KIAA1958: variants seen among roughly 807,000 people sequenced by gnomAD.
KIAA1958 encodes KIAA1958, also known as uncharacterized protein KIAA1958.
A neutral mutation model predicts 47.2 loss-of-function variants in KIAA1958; 14 were observed. The ratio of observed to expected loss-of-function variants is 0.30; its 90% CI spans 0.20 to 0.46. KIAA1958 has a LOEUF of 0.46. Among genes scored for constraint, KIAA1958 ranks in the 20% least tolerant of loss-of-function variants. The probability of loss-of-function intolerance (pLI) is 1.00; values close to 1 mark genes in which losing one functional copy is unlikely to be tolerated. For synonymous variants in KIAA1958, 354 were observed against 353.3 expected (o/e 1.00, Z -0.02); for missense variants, 803 against 909.2 (o/e 0.88, Z 1.50).
chr9:112,529,422 C>A (rs1244044333), intron 1 of KIAA1958, among the ~76,000 whole-genome samples: 1 of 152,146 alleles, frequency 6.6e-6, no homozygotes, highest in Non-Finnish European at 1.5e-5. Context: ...GTCCAGGACC[C>A]CATCCACAAT....
intron 2 of KIAA1958, among the ~76,000 whole-genome samples, chr9:112,591,823 G>C (rs184129208): frequency 6.6e-6 from 1 of 152,262 alleles, no homozygotes; most frequent in Admixed American, 6.5e-5. Context: ...TAAAGTTACG[G>C]TGCCACAAAA....
At chr9:112,589,291 G>C (rs998140802) in intron 2 of KIAA1958, among the ~76,000 whole-genome samples, 5 of 152,198 alleles carry the variant, frequency 3.3e-5, no homozygotes, top group Middle Eastern at 3.4e-3. Context: ...CTACTTGTTT[G>C]TTCATATTTA....
At chr9:112,614,706 C>T (rs1237733570) in intron 2 of KIAA1958, among the ~76,000 whole-genome samples, 1 of 152,030 alleles carries the variant, frequency 6.6e-6, no homozygotes, top group African/African-American at 2.4e-5. Context: ...TTTTATTTTC[C>T]TGCAGATGGA....
chr9:112,551,340 G>C (rs1835146324), intron 1 of KIAA1958, among the ~76,000 whole-genome samples: 1 of 152,034 alleles, frequency 6.6e-6, no homozygotes, highest in South Asian at 2.1e-4. Flanking sequence ...GCTGCCCCAG[G>C]CACCTCATAT....
At chr9:112,653,273 C>A (rs1479703855) in intron 3 of KIAA1958, among the ~76,000 whole-genome samples, 1 of 152,048 alleles carries the variant, frequency 6.6e-6, no homozygotes, top group Non-Finnish European at 1.5e-5. Flanking sequence ...CTAGTTATGG[C>A]AAGAAGTTCG....
In KIAA1958 at chr9:112,635,111, TG is replaced by T. The variant is rs552804596; in HGVS notation, c.1172-10538del. Among the ~76,000 whole-genome samples, 167 of 152,294 alleles carry T rather than the reference TG, an allele frequency of 1.1e-3. 1 individual carries two copies. Among genetic ancestry groups the T allele is most frequent in the Non-Finnish European group, 2.2e-3 (148 of 68,030 alleles). On this transcript the variant is annotated intron_variant, in intron 2 of 3. Coordinates refer to ENST00000337530, the MANE Select transcript of KIAA1958 (RefSeq NM_133465.4). Reference sequence around the variant, plus strand: ...AAGTTATGCAGTCCTATAAAAGAAGTGAGTGTTCCCTCTTTTTCTGTTCACT... The same window carrying T: ...AAGTTATGCAGTCCTATAAAAGAAGTAGTGTTCCCTCTTTTTCTGTTCACT...
At chr9:112,589,224 T>C (rs59559325) in intron 2 of KIAA1958, among the ~76,000 whole-genome samples, 5,604 of 152,294 alleles carry the variant, frequency 0.037, 341 homozygotes, top group African/African-American at 0.13. Flanking sequence ...TCCTTTGGTT[T>C]TTCTGTTCCT....
intron 1 of KIAA1958, among the ~76,000 whole-genome samples, chr9:112,565,090 A>G (rs1835404571): frequency 6.6e-6 from 1 of 152,232 alleles, no homozygotes; most frequent in Admixed American, 6.5e-5. Flanking sequence ...CTAATGATTA[A>G]TTTTGAGTTT....
At chr9:112,522,464 C>G (rs1269527906) in intron 1 of KIAA1958, among the ~76,000 whole-genome samples, 2 of 152,166 alleles carry the variant, frequency 1.3e-5, no homozygotes, top group Admixed American at 1.3e-4. Context: ...TTCCTTTCAC[C>G]TGAGTCACAT....
At chr9:112,601,485 A>G (rs1443139802) in intron 2 of KIAA1958, among the ~76,000 whole-genome samples, 1 of 152,132 alleles carries the variant, frequency 6.6e-6, no homozygotes, top group Non-Finnish European at 1.5e-5. Context: ...GACCACACTG[A>G]TATTAGACCT....
intron 1 of KIAA1958, among the ~76,000 whole-genome samples, chr9:112,525,385 T>C (rs1186843121): frequency 6.6e-6 from 1 of 152,232 alleles, no homozygotes; most frequent in African/African-American, 2.4e-5. Flanking sequence ...TAGAAATACA[T>C]TCTCTCCTGG....
chr9:112,493,096 G>C (rs1833998265), intron 1 of KIAA1958, among the ~76,000 whole-genome samples: 1 of 151,894 alleles, frequency 6.6e-6, no homozygotes, highest in African/African-American at 2.4e-5. Context: ...ATATTATTGT[G>C]GCCAAATTCA....
chr9:112,571,643 T>G (rs1835535284), intron 1 of KIAA1958, among the ~76,000 whole-genome samples: 1 of 151,872 alleles, frequency 6.6e-6, no homozygotes, highest in Non-Finnish European at 1.5e-5. Flanking sequence ...AATTAAATAT[T>G]AATAGCTATG....
intron 1 of KIAA1958, among the ~76,000 whole-genome samples, chr9:112,493,925 C>T (rs1359806000): frequency 1.3e-5 from 2 of 152,130 alleles, no homozygotes; most frequent in Non-Finnish European, 2.9e-5. Flanking sequence ...CACTGGTTTC[C>T]CTCACAATTA....
At chr9:112,636,024 A>G (rs948464230) in intron 2 of KIAA1958, among the ~76,000 whole-genome samples, 4 of 151,048 alleles carry the variant, frequency 2.6e-5, no homozygotes, top group African/African-American at 9.7e-5. Context: ...CAACTTTGAT[A>G]TGTATTGTCA....
At chr9:112,573,975 A>G (rs1835585132) in intron 1 of KIAA1958, 82 bp from the exon 2 acceptor site, 4 of 718,122 alleles carry the variant, frequency 5.6e-6, no homozygotes, top group East Asian at 2.6e-5. Context: ...CCAAATGATC[A>G]TATTTGGAAC....
intron 2 of KIAA1958, among the ~76,000 whole-genome samples, chr9:112,582,741 CAAAA>C (rs1280501789): frequency 1.3e-5 from 2 of 148,196 alleles, no homozygotes; most frequent in Admixed American, 6.7e-5. Context: ...AAAAAACAGA[CAAAA>C]AAACCGAATC....
intron 1 of KIAA1958, among the ~76,000 whole-genome samples, chr9:112,539,902 G>A (rs1834913319): frequency 6.6e-6 from 1 of 152,062 alleles, no homozygotes; most frequent in African/African-American, 2.4e-5. Context: ...TGTTGGCCAG[G>A]TTGGTCTTGA....
At chr9:112,609,077 A>G (rs1449502530) in intron 2 of KIAA1958, among the ~76,000 whole-genome samples, 1 of 152,214 alleles carries the variant, frequency 6.6e-6, no homozygotes, top group African/African-American at 2.4e-5. Context: ...GATTTGGCCA[A>G]CAGAAAGAGG....
Sources: gnomAD v4.1 joint callset for allele counts (sites outside exome capture counted in the v4.1 genomes callset) on GRCh38, gnomAD v4.1.1 for gene constraint, MANE v1.5 for transcripts, NCBI Gene and HGNC (gene_info 2026-07-23, HGNC 2026-07-21) for gene names.